Variants in MGLL observed in about 807,000 individuals in gnomAD.
MGLL encodes lysophospholipase homolog.
MGLL carries 7 observed loss-of-function variants against 29.1 expected under a neutral mutation model. The ratio of observed to expected loss-of-function variants is 0.24; its 90% CI spans 0.14 to 0.45. The LOEUF (loss-of-function observed/expected upper bound fraction) is 0.45. Ranked by LOEUF, MGLL falls within the 20% of genes least tolerant of loss-of-function variation. The pLI, the probability that MGLL is intolerant of heterozygous loss-of-function variation, is 0.99. For missense variants in MGLL, 356 were observed against 413.6 expected, an observed-to-expected ratio of 0.86 and a Z score of 1.21; for synonymous variants, 148 against 168.3, an observed-to-expected ratio of 0.88 and a Z score of 0.93.
chr3:127,694,768 A>T (rs1378674923), intron 7 of MGLL, among the ~76,000 whole-genome samples: 1 of 152,168 alleles, frequency 6.6e-6, no homozygotes, highest in Non-Finnish European at 1.5e-5. Flanking sequence ...ATTCATGCAA[A>T]ACAATCAGCA....
chr3:127,806,666 T>C (rs184766598), intron 2 of MGLL, among the ~76,000 whole-genome samples: 1 of 151,922 alleles, frequency 6.6e-6, no homozygotes, highest in East Asian at 1.9e-4. Flanking sequence ...GATGGGTAGA[T>C]GGGTAAATGG....
intron 3 of MGLL, among the ~76,000 whole-genome samples, chr3:127,760,180 G>A (rs929582515): frequency 1.3e-5 from 2 of 152,228 alleles, no homozygotes; most frequent in African/African-American, 2.4e-5. Context: ...AGTTTGTGTG[G>A]GGTCCTATGA....
In MGLL at chr3:127,821,760, G is replaced by A; in HGVS notation, c.89C>T (p.Pro30Leu). Residue 30 changes from proline (P) to leucine (L), a missense_variant, in exon 2 of 8, where the codon CCT becomes CTT. Transcript: ENST00000265052. ...CTGTCCGTCTGCATTGACCAGGTGA[G>A]GGAGGTCCTGGTAGGGAATGCTCTG... ...TPQSIPYQDL[P>L]HLVNADGQYL... The A allele has an allele frequency of 6.2e-7, 1 of 1,614,052 alleles. No individual in the cohort carries two copies. The highest frequency in any genetic ancestry group is 1.1e-5 in the South Asian group (1 of 91,074).
chr3:127,819,756 G>C (rs960953272), intron 2 of MGLL, among the ~76,000 whole-genome samples: 2 of 152,110 alleles, frequency 1.3e-5, no homozygotes, highest in Non-Finnish European at 2.9e-5. Flanking sequence ...TCATGCAAGA[G>C]GGCAGGCAGG....
chr3:127,795,651 T>C (rs901701506), intron 2 of MGLL, among the ~76,000 whole-genome samples: 1 of 152,202 alleles, frequency 6.6e-6, no homozygotes, highest in Non-Finnish European at 1.5e-5. Context: ...CCTTAAGTAG[T>C]AACTAAAAAA....
intron 3 of MGLL, among the ~76,000 whole-genome samples, chr3:127,780,318 T>G (rs769722649): frequency 1.1e-4 from 17 of 152,202 alleles, no homozygotes; most frequent in Non-Finnish European, 2.2e-4. Flanking sequence ...ACAAATATCC[T>G]TTTCCTTCAC....
intron 5 of MGLL, among the ~76,000 whole-genome samples, chr3:127,714,310 G>A (rs1209309513): frequency 3.3e-5 from 5 of 152,156 alleles, no homozygotes; most frequent in African/African-American, 4.8e-5. Flanking sequence ...TGTGGGGAGA[G>A]CACATCCTGC....
intron 3 of MGLL, among the ~76,000 whole-genome samples, chr3:127,767,076 A>AC (rs1386513598): frequency 1.1e-4 from 16 of 150,386 alleles, no homozygotes; most frequent in African/African-American, 3.7e-4. Flanking sequence ...CTATCAAAAA[A>AC]AAAAACAAAA....
At chr3:127,734,137 T>C (rs2076202115) in intron 3 of MGLL, among the ~76,000 whole-genome samples, 1 of 152,212 alleles carries the variant, frequency 6.6e-6, no homozygotes, top group Non-Finnish European at 1.5e-5. Context: ...GTGGGATCCA[T>C]GGCTGCCTTG....
intron 3 of MGLL, among the ~76,000 whole-genome samples, chr3:127,743,398 T>A (rs2076381281): frequency 6.6e-6 from 1 of 152,076 alleles, no homozygotes; most frequent in Admixed American, 6.6e-5. Context: ...TTGTTTTCTA[T>A]GCTCCTGCGA....
chr3:127,725,045 G>A (rs1265317799), intron 3 of MGLL, among the ~76,000 whole-genome samples: 1 of 151,798 alleles, frequency 6.6e-6, no homozygotes, highest in Admixed American at 6.6e-5. Flanking sequence ...CTCCTTAAGG[G>A]GTGGTCCACA....
chr3:127,809,170 A>G lies in MGLL; in HGVS notation c.155+12524T>C, dbSNP rs550504330. ...GGGAGTGAGGGGAATTGGGGCAGAG[A>G]GAGAGATCAATCTTCTCATCTTGCT... On this transcript the variant is annotated intron_variant, in intron 2 of 7. Coordinates refer to ENST00000265052, the MANE Select transcript of MGLL (RefSeq NM_007283.7). Among the ~76,000 whole-genome samples the G allele has an allele frequency of 5.3e-5, 8 of 152,272 alleles. No individual in the cohort carries two copies. In the South Asian group the frequency reaches 1.5e-3, roughly 28 times the overall value.
intron 3 of MGLL, among the ~76,000 whole-genome samples, chr3:127,764,702 C>T (rs959144588): frequency 7.9e-5 from 12 of 152,110 alleles, no homozygotes; most frequent in African/African-American, 2.9e-4. Flanking sequence ...TACTCCATGC[C>T]GTAGGTAATA....
chr3:127,692,181 G>A lies in MGLL; in HGVS notation c.*17C>T. 1 of 1,609,468 alleles carries A rather than the reference G, an allele frequency of 6.2e-7. No homozygotes were observed. The highest frequency in any genetic ancestry group is 8.5e-7 in the Non-Finnish European group (1 of 1,178,488). On this transcript the variant is annotated 3_prime_UTR_variant, in exon 8 of 8. Transcript: ENST00000265052. The stretch of plus-strand genomic sequence containing the variant: ...CCTGCATCCCCCAGACCATGAGCCG[G>A]GCACCGGCCAATGCATTCAGGGTGG...
chr3:127,801,320 A>G (rs2077475817), intron 2 of MGLL, among the ~76,000 whole-genome samples: 1 of 135,616 alleles, frequency 7.4e-6, no homozygotes, highest in African/African-American at 2.8e-5. Context: ...AAAAAAAAAA[A>G]GGAGTGGGGG....
intron 3 of MGLL, among the ~76,000 whole-genome samples, chr3:127,738,332 T>G (rs994046167): frequency 1.3e-5 from 2 of 151,406 alleles, no homozygotes; most frequent in Non-Finnish European, 2.9e-5. Context: ...TGTTCTTGGT[T>G]CCTGGAAGCA....
chr3:127,785,821 G>A (rs1318442074), intron 2 of MGLL, among the ~76,000 whole-genome samples: 1 of 152,246 alleles, frequency 6.6e-6, no homozygotes, highest in African/African-American at 2.4e-5. Context: ...CAGCCACTCA[G>A]CAGAGAACAC....
At chr3:127,770,931 G>T (rs1439897154) in intron 3 of MGLL, among the ~76,000 whole-genome samples, 1 of 152,072 alleles carries the variant, frequency 6.6e-6, no homozygotes, top group Non-Finnish European at 1.5e-5. Flanking sequence ...GAGCGTCGAG[G>T]TCATAAGGCT....
At chr3:127,729,306 T>A (rs1158148412) in intron 3 of MGLL, among the ~76,000 whole-genome samples, 2 of 152,326 alleles carry the variant, frequency 1.3e-5, no homozygotes, top group East Asian at 3.9e-4. Flanking sequence ...ACCTAAAAAA[T>A]TAACCACTTT....
Sources: gnomAD v4.1 joint callset for allele counts (sites outside exome capture counted in the v4.1 genomes callset) on GRCh38, gnomAD v4.1.1 for gene constraint, MANE v1.5 for transcripts, NCBI Gene and HGNC (gene_info 2026-07-23, HGNC 2026-07-21) for gene names.